The following JAM2 variants were observed in gnomAD, a reference collection of about 807,000 sequenced individuals.
JAM2 encodes the protein junctional adhesion molecule 2, also known as junctional adhesion molecule B.
JAM2 carries 17 observed loss-of-function variants against 42.0 expected under a neutral mutation model. That is an observed-to-expected ratio of 0.40 (90% CI 0.28 to 0.61). The LOEUF (loss-of-function observed/expected upper bound fraction) is 0.61. JAM2 is among the 20% of genes least tolerant of loss of function. The probability of loss-of-function intolerance (pLI) is 0.37; values close to 1 mark genes in which losing one functional copy is unlikely to be tolerated. For synonymous variants in JAM2, 118 were observed against 128.6 expected, an observed-to-expected ratio of 0.92 and a Z score of 0.56; for missense variants, 319 against 358.3, an observed-to-expected ratio of 0.89 and a Z score of 0.89.
intron 1 of JAM2, among the ~76,000 whole-genome samples, chr21:25,676,244 C>T (rs945316070): frequency 1.2e-4 from 17 of 142,944 alleles, no homozygotes; most frequent in Admixed American, 3.7e-4. Flanking sequence ...GCCAAGATCA[C>T]GCCACTGCAC....
chr21:25,713,245 C>A (rs1355160228), intron 9 of JAM2, among the ~76,000 whole-genome samples: 1 of 152,190 alleles, frequency 6.6e-6, no homozygotes, highest in South Asian at 2.1e-4. Context: ...TTGAAAGGAA[C>A]ATTTCAGAAA....
At chr21:25,640,980 A>G (rs150636251) in intron 1 of JAM2, among the ~76,000 whole-genome samples, 8 of 152,324 alleles carry the variant, frequency 5.3e-5, no homozygotes, top group African/African-American at 1.7e-4. Context: ...CCAAGTGATC[A>G]TCGCACAGCT....
intron 4 of JAM2, 127 bp downstream of exon 4, chr21:25,694,035 G>C: frequency 1.2e-6 from 1 of 859,372 alleles, no homozygotes; most frequent in Non-Finnish European, 1.8e-6. Context: ...TCAAGTTACA[G>C]AGACCATAAG....
chr21:25,684,019 A>G (rs1568905993), intron 2 of JAM2, 71 bp downstream of exon 2: 4 of 985,094 alleles, frequency 4.1e-6, no homozygotes, highest in East Asian at 2.7e-5. Context: ...GTGTGATGTT[A>G]TTTTCTATTT....
At chr21:25,653,013 A>G (rs1275692087) in intron 1 of JAM2, among the ~76,000 whole-genome samples, 4 of 152,134 alleles carry the variant, frequency 2.6e-5, no homozygotes, top group Non-Finnish European at 5.9e-5. Context: ...CCCTGTTTGG[A>G]ACAGACTGTC....
At chr21:25,678,179 T>C (rs2033544241) in intron 1 of JAM2, among the ~76,000 whole-genome samples, 1 of 152,116 alleles carries the variant, frequency 6.6e-6, no homozygotes, top group Admixed American at 6.5e-5. Context: ...TGAGCCGAGA[T>C]TGCACCATTG....
intron 1 of JAM2, among the ~76,000 whole-genome samples, chr21:25,646,893 T>C (rs1329892934): frequency 6.6e-6 from 1 of 152,234 alleles, no homozygotes; most frequent in East Asian, 1.9e-4. Context: ...TCGCATGTCA[T>C]CAGCATCAAA....
intron 8 of JAM2, chr21:25,711,653 T>G (rs2034385975): frequency 3.6e-6 from 1 of 276,674 alleles, no homozygotes; most frequent in East Asian, 1.0e-4. Context: ...AAGGGCAGGG[T>G]AGCTGGAAAG....
intron 1 of JAM2, among the ~76,000 whole-genome samples, chr21:25,650,401 C>A (rs1306940068): frequency 6.6e-6 from 1 of 152,122 alleles, no homozygotes; most frequent in African/African-American, 2.4e-5. Flanking sequence ...ATTGTCTCTG[C>A]CAAGAATCTC....
intron 1 of JAM2, among the ~76,000 whole-genome samples, chr21:25,666,618 C>T (rs1454429137): frequency 6.6e-6 from 1 of 152,170 alleles, no homozygotes; most frequent in Non-Finnish European, 1.5e-5. Context: ...CTCACTGCAG[C>T]CTTGACCTCT....
chr21:25,705,536 C>A (rs1017934286), intron 6 of JAM2, among the ~76,000 whole-genome samples: 1 of 152,196 alleles, frequency 6.6e-6, no homozygotes. Flanking sequence ...ACATGCCTGG[C>A]ACCATGTGTT....
intron 1 of JAM2, among the ~76,000 whole-genome samples, chr21:25,660,593 C>T (rs2033053059): frequency 6.6e-6 from 1 of 151,512 alleles, no homozygotes; most frequent in Non-Finnish European, 1.5e-5. Context: ...CCTCATTTTT[C>T]ATAACTCTCC....
intron 1 of JAM2, among the ~76,000 whole-genome samples, chr21:25,651,389 A>T (rs1426014741): frequency 6.6e-6 from 1 of 152,224 alleles, no homozygotes; most frequent in African/African-American, 2.4e-5. Flanking sequence ...ATTGTCCCAA[A>T]GATAGCACTT....
intron 2 of JAM2, among the ~76,000 whole-genome samples, chr21:25,687,069 G>T (rs1191150797): frequency 6.6e-6 from 1 of 152,138 alleles, no homozygotes; most frequent in Non-Finnish European, 1.5e-5. Flanking sequence ...CTCCTACAGA[G>T]ATAACATTTT....
chr21:25,693,508 C>T lies in JAM2; in HGVS notation c.242-248C>T, dbSNP rs186193130. 7.9e-5 allele frequency among the ~76,000 whole-genome samples: 12 copies of T among 152,330 alleles called. No homozygotes were observed. The South Asian group carries it at 2.1e-3, about 26-fold the overall frequency. On this transcript the variant is annotated intron_variant, in intron 3 of 9. Coordinates refer to ENST00000480456, the MANE Select transcript of JAM2 (RefSeq NM_021219.4). ...TCCTGACTTAGTGATCTACCGGCCT[C>T]GGCCTCCCAAAGTGCTGGGATTACA...
At chr21:25,644,550 G>A (rs1306370638) in intron 1 of JAM2, among the ~76,000 whole-genome samples, 1 of 152,144 alleles carries the variant, frequency 6.6e-6, no homozygotes, top group African/African-American at 2.4e-5. Context: ...CAGGACCCTT[G>A]TCATTACCTT....
intron 5 of JAM2, among the ~76,000 whole-genome samples, chr21:25,699,515 G>T (rs1163221553): frequency 6.6e-6 from 1 of 151,944 alleles, no homozygotes; most frequent in Admixed American, 6.5e-5. Context: ...GAGGTCAGGA[G>T]ATCAAGACCA....
chr21:25,701,790 T>C (rs978665954), intron 5 of JAM2, among the ~76,000 whole-genome samples: 3 of 152,192 alleles, frequency 2.0e-5, no homozygotes, highest in Non-Finnish European at 2.9e-5. Flanking sequence ...TTAACCCTTT[T>C]ACCAGGGAGG....
At chr21:25,684,894 G>A (rs1260360898) in intron 2 of JAM2, among the ~76,000 whole-genome samples, 1 of 152,092 alleles carries the variant, frequency 6.6e-6, no homozygotes, top group Non-Finnish European at 1.5e-5. Flanking sequence ...AACCACACCT[G>A]CCCTATAAGT....
Sources: gnomAD v4.1 joint callset for allele counts (sites outside exome capture counted in the v4.1 genomes callset) on GRCh38, gnomAD v4.1.1 for gene constraint, MANE v1.5 for transcripts, NCBI Gene and HGNC (gene_info 2026-07-23, HGNC 2026-07-21) for gene names.